Variants in ZNF385D observed in about 807,000 individuals in gnomAD.
ZNF385D encodes zinc finger protein 385D, also known as zinc finger protein 659.
ZNF385D carries 15 observed loss-of-function variants against 35.8 expected under a neutral mutation model. The observed-to-expected ratio is 0.42, with a 90% CI of 0.28 to 0.64. The LOEUF (loss-of-function observed/expected upper bound fraction) is 0.64, where lower values mean the gene tolerates loss of function less well. Among genes scored for constraint, ZNF385D ranks in the 30% least tolerant of loss-of-function variants. ZNF385D has a pLI of 0.23. For missense variants in ZNF385D, 474 were observed against 494.6 expected (o/e 0.96, Z 0.39); for synonymous variants, 212 against 186.8 (o/e 1.13, Z -1.10).
At chr3:21,871,564 A>G (rs1697691536) in intron 3 of ZNF385D, among the ~76,000 whole-genome samples, 1 of 152,158 alleles carries the variant, frequency 6.6e-6, no homozygotes, top group Non-Finnish European at 1.5e-5. Context: ...ATCAATGTAT[A>G]AAGGAATGAT....
chr3:21,596,640 CTT>C (rs34205074), intron 2 of ZNF385D, among the ~76,000 whole-genome samples: 122 of 134,296 alleles, frequency 9.1e-4, no homozygotes, highest in Admixed American at 1.8e-3. Context: ...TCATGCTTGA[CTT>C]TTTTTTTTTT....
At chr3:21,789,509 C>A (rs1259606944) in intron 3 of ZNF385D, among the ~76,000 whole-genome samples, 2 of 152,104 alleles carry the variant, frequency 1.3e-5, no homozygotes, top group Non-Finnish European at 1.5e-5. Context: ...TGCACACACA[C>A]AGACACACAC....
intron 3 of ZNF385D, among the ~76,000 whole-genome samples, chr3:22,111,828 T>C (rs1702552363): frequency 1.3e-5 from 2 of 152,158 alleles, no homozygotes; most frequent in Non-Finnish European, 1.5e-5. Context: ...TAACTCACTG[T>C]TCTATTGGTT....
chr3:22,083,310 C>T (rs1018877482), intron 3 of ZNF385D, among the ~76,000 whole-genome samples: 2 of 152,160 alleles, frequency 1.3e-5, no homozygotes, highest in African/African-American at 4.8e-5. Context: ...TGTTCGAACC[C>T]ATCGCAAGGA....
intron 2 of ZNF385D, among the ~76,000 whole-genome samples, chr3:22,183,855 T>A (rs1200601246): frequency 6.6e-6 from 1 of 152,080 alleles, no homozygotes; most frequent in Non-Finnish European, 1.5e-5. Context: ...TTAAATTTAG[T>A]TTTCAACAAA....
At chr3:22,365,990 T>G (rs1696640065) in intron 2 of ZNF385D, among the ~76,000 whole-genome samples, 1 of 152,136 alleles carries the variant, frequency 6.6e-6, no homozygotes, top group South Asian at 2.1e-4. Flanking sequence ...GGATTTTTAT[T>G]TGTGAAAATT....
chr3:21,935,037 A>G (rs542550495), intron 3 of ZNF385D, among the ~76,000 whole-genome samples: 2 of 152,298 alleles, frequency 1.3e-5, no homozygotes, highest in East Asian at 1.9e-4. Context: ...GCATGTTGCT[A>G]TAAAGGATCC....
chr3:21,792,187 A>G (rs2125663701), intron 3 of ZNF385D, among the ~76,000 whole-genome samples: 1 of 152,306 alleles, frequency 6.6e-6, no homozygotes, highest in Admixed American at 6.5e-5. Context: ...CTATAAATGA[A>G]GTGATGGGGC....
In ZNF385D at chr3:21,436,997, C is replaced by G. The variant is rs1252101766; in HGVS notation, c.646G>C (p.Ala216Pro). 6.2e-7 allele frequency: 1 copy of G among 1,613,882 alleles called. No homozygotes were observed. The highest frequency in any genetic ancestry group is 2.2e-5 in the East Asian group (1 of 44,878). Residue 216 changes from alanine to proline, a missense_variant, in exon 5 of 8, where the codon GCC becomes CCC. Ala to Pro is a conservative substitution (Grantham distance 27). Coordinates refer to ENST00000281523, the MANE Select transcript of ZNF385D (RefSeq NM_024697.3). ...CSLCKVAVNS[A>P]SQLEAHNSGT... ...CTGTTGTGCGCCTCCAGCTGCGAGG[C>G]AGAGTTGACAGCAACCTTGCATAGC... is the stretch of plus-strand genomic sequence containing the variant.
At chr3:21,915,204 C>T (rs1012680378) in intron 3 of ZNF385D, among the ~76,000 whole-genome samples, 1 of 151,862 alleles carries the variant, frequency 6.6e-6, no homozygotes, top group Non-Finnish European at 1.5e-5. Flanking sequence ...GGATTAGATA[C>T]ATATTTTTAG....
chr3:21,871,731 C>G (rs541594653), intron 3 of ZNF385D, among the ~76,000 whole-genome samples: 1 of 152,068 alleles, frequency 6.6e-6, no homozygotes, highest in Non-Finnish European at 1.5e-5. Context: ...CCAGGCCGGG[C>G]GCAGTGGCTC....
chr3:21,833,659 C>A (rs1575742599), intron 3 of ZNF385D, among the ~76,000 whole-genome samples: 7 of 152,122 alleles, frequency 4.6e-5, no homozygotes, highest in Admixed American at 4.6e-4. Flanking sequence ...ACTCATATGA[C>A]AGCTCCAGGA....
chr3:22,366,034 A>T (rs1182895589), intron 2 of ZNF385D, among the ~76,000 whole-genome samples: 2 of 151,526 alleles, frequency 1.3e-5, no homozygotes, highest in Non-Finnish European at 2.9e-5. Context: ...ATAAGCTAAA[A>T]TTTTTTTTTA....
At position 21,543,395 on chromosome 3, in the gene ZNF385D, G is replaced by T. The variant is rs542812760; in HGVS notation, c.276+21179C>A. 3.9e-5 allele frequency among the ~76,000 whole-genome samples: 6 copies of T among 152,286 alleles called. No individual in the cohort carries two copies. In the South Asian group the frequency reaches 1.2e-3, roughly 32 times the overall value. On this transcript the variant is annotated intron_variant, in intron 3 of 7. Coordinates refer to ENST00000281523, the MANE Select transcript of ZNF385D (RefSeq NM_024697.3). The stretch of plus-strand genomic sequence containing the variant: ...GGGAGACCGCTCCCCACCCCTTGTC[G>T]CTCCTGGGGGTCGGGGGCCTTTTCA...
chr3:21,832,887 A>T (rs1185181344), intron 3 of ZNF385D, among the ~76,000 whole-genome samples: 1 of 152,196 alleles, frequency 6.6e-6, no homozygotes, highest in Non-Finnish European at 1.5e-5. Flanking sequence ...CCAGATATTC[A>T]GTTCATTCAC....
chr3:21,971,959 G>C lies in ZNF385D; in HGVS notation c.325+196858C>G, dbSNP rs1310661644. 2.6e-5 allele frequency among the ~76,000 whole-genome samples: 4 copies of C among 151,832 alleles called. 1 individual carries two copies. The highest frequency in any genetic ancestry group is 4.4e-5 in the Non-Finnish European group (3 of 67,840). On this transcript the variant is annotated intron_variant, in intron 3 of 5. Transcript: ENST00000494108. ...ACACTGGGACACCCAGATATATAAAGCACATATTATCAGAGTTATCAAGAG... is the reference window on the plus strand; with the variant it reads ...ACACTGGGACACCCAGATATATAAACCACATATTATCAGAGTTATCAAGAG...
At chr3:22,164,216 C>CTTTTGTTTTTTTTTTTTTTTTT (rs1706158194) in intron 3 of ZNF385D, among the ~76,000 whole-genome samples, 1 of 74,912 alleles carries the variant, frequency 1.3e-5, no homozygotes, top group African/African-American at 5.0e-5. Context: ...AAAAGGAGCA[C>CTTTTGTTTTTTTTTTTTTTTTT]TTTTTTTTTT....
chr3:21,480,795 G>GT (rs1342556745), intron 4 of ZNF385D, among the ~76,000 whole-genome samples: 1 of 152,104 alleles, frequency 6.6e-6, no homozygotes, highest in African/African-American at 2.4e-5. Context: ...AAAGTAGCAA[G>GT]TAATTTAAAT....
At position 21,712,714 on chromosome 3, in the gene ZNF385D, G is replaced by A. The variant is rs149950445; in HGVS notation, c.22+38181C>T. ...TGCAAATATATATGCACTTGAAAAC[G>A]GGTTTTTACTATTGTCTGAATACAT... On this transcript the variant is annotated intron_variant, in intron 1 of 7. Coordinates refer to ENST00000281523, the MANE Select transcript of ZNF385D (RefSeq NM_024697.3). Among the ~76,000 whole-genome samples the A allele has an allele frequency of 1.7e-4, 26 of 152,220 alleles. No homozygotes were observed. The East Asian group carries it at 4.6e-3, about 27-fold the overall frequency.
Sources: allele counts gnomAD v4.1 joint callset (sites outside exome capture counted in the v4.1 genomes callset), GRCh38; gene constraint gnomAD v4.1.1; transcripts MANE v1.5; gene names NCBI Gene and HGNC (gene_info 2026-07-23, HGNC 2026-07-21).